The following ZBTB37 variants were observed in gnomAD, a reference collection of about 807,000 sequenced individuals.
ZBTB37 encodes the protein zinc finger and BTB domain-containing protein 37.
In ZBTB37, 15 loss-of-function variants were observed where a neutral mutation model predicts 37.7. That is an observed-to-expected ratio of 0.40 (90% CI 0.27 to 0.61). The LOEUF (loss-of-function observed/expected upper bound fraction) is 0.61, where lower values mean the gene tolerates loss of function less well. Ranked by LOEUF, ZBTB37 falls within the 20% of genes least tolerant of loss-of-function variation. The probability of loss-of-function intolerance (pLI) is 0.44; values close to 1 mark genes in which losing one functional copy is unlikely to be tolerated. For synonymous variants in ZBTB37, 231 were observed against 220.6 expected (o/e 1.05, Z -0.42); for missense variants, 514 against 641.9 (o/e 0.80, Z 2.15).
At chr1:173,897,229 T>C (rs1249929831) in exon 4 of ZBTB37, 1 of 152,222 alleles carries the variant, frequency 6.6e-6, no homozygotes, top group Admixed American at 6.5e-5. Flanking sequence ...CAGAAGCATT[T>C]TGTTAGCTGT....
chr1:173,880,818 G>A (rs1038620963), intron 4 of ZBTB37, among the ~76,000 whole-genome samples: 1 of 152,156 alleles, frequency 6.6e-6, no homozygotes, highest in African/African-American at 2.4e-5. Context: ...GTAATTTTTT[G>A]GATGAGACTG....
In ZBTB37 at chr1:173,882,520, A is replaced by G. The variant is rs538639639; in HGVS notation, c.1024-3116A>G. On this transcript the variant is annotated intron_variant, in intron 4 of 4. Coordinates refer to ENST00000427304, the Ensembl canonical transcript of ZBTB37. ...CTCCCAAAGTGCTAGGATTACAGGC[A>G]TGAGCCACTGTGCCCAGCCCTGATG... 3.2e-4 allele frequency among the ~76,000 whole-genome samples: 49 copies of G among 152,198 alleles called. 1 individual carries two copies. Among genetic ancestry groups the G allele is most frequent in the East Asian group, 1.3e-3 (7 of 5,188 alleles).
At chr1:173,869,369 C>T (rs1655336388) in intron 2 of ZBTB37, among the ~76,000 whole-genome samples, 1 of 152,068 alleles carries the variant, frequency 6.6e-6, no homozygotes, top group African/African-American at 2.4e-5. Flanking sequence ...TATACAGCTT[C>T]AGGTTTAGTG....
intron 1 of ZBTB37, 79 bp from the exon 2 acceptor site, chr1:173,868,846 A>T (rs1030782100): frequency 1.3e-5 from 2 of 152,970 alleles, no homozygotes; most frequent in Non-Finnish European, 1.5e-5. Context: ...CCCTCTCCCC[A>T]GGCTTCCTAA....
At chr1:173,887,594 G>A (rs986902381), downstream of ZBTB37, 3 of 152,164 alleles carry the variant, frequency 2.0e-5, no homozygotes, top group Non-Finnish European at 4.4e-5. Flanking sequence ...TGGATACCCC[G>A]TCTTTCATGA....
At chr1:173,894,623 TATC>T (rs1451569107) in exon 4 of ZBTB37, 1 of 152,196 alleles carries the variant, frequency 6.6e-6, no homozygotes, top group Non-Finnish European at 1.5e-5. Flanking sequence ...GGCCTAGAAT[TATC>T]ATACAGCCAC....
At chr1:173,898,009 T>G (rs1460448896) in exon 4 of ZBTB37, 1 of 152,224 alleles carries the variant, frequency 6.6e-6, no homozygotes, top group African/African-American at 2.4e-5. Context: ...GGCTTCTGTT[T>G]GGCAGGAGTA....
intron 4 of ZBTB37, among the ~76,000 whole-genome samples, chr1:173,875,375 G>A (rs1340921468): frequency 6.7e-6 from 1 of 149,916 alleles, no homozygotes; most frequent in African/African-American, 2.5e-5. Flanking sequence ...ACCCAGGCTG[G>A]AGTGCAGTGG....
rs554504004 is a variant in ZBTB37 at position 173,877,048 on chromosome 1, A to G, written c.1023+3482A>G. 1.1e-3 allele frequency among the ~76,000 whole-genome samples: 169 copies of G among 152,314 alleles called. 1 individual carries two copies. The highest frequency in any genetic ancestry group is 3.9e-3 in the African/African-American group (163 of 41,580). On this transcript the variant is annotated intron_variant, in intron 4 of 4. Transcript: ENST00000427304. Reference sequence around the variant, plus strand: ...TAAATATTTGTGTATCTAAACATAAATTACTGAATATAGTAAATATTTGTG... The same window carrying G: ...TAAATATTTGTGTATCTAAACATAAGTTACTGAATATAGTAAATATTTGTG...
chr1:173,878,923 T>C (rs1265247081), intron 4 of ZBTB37, among the ~76,000 whole-genome samples: 1 of 151,876 alleles, frequency 6.6e-6, no homozygotes, highest in African/African-American at 2.4e-5. Flanking sequence ...ACCCCTTCTC[T>C]AATAAAAATA....
exon 5 of ZBTB37, chr1:173,886,142 G>A: frequency 1.9e-6 from 3 of 1,542,810 alleles, no homozygotes; most frequent in Middle Eastern, 1.7e-4. Flanking sequence ...AGGGGGAGGG[G>A]GCTGACCCTC....
intron 4 of ZBTB37, among the ~76,000 whole-genome samples, chr1:173,876,790 ATG>A (rs1655994941): frequency 6.6e-6 from 1 of 152,198 alleles, no homozygotes; most frequent in African/African-American, 2.4e-5. Flanking sequence ...CAAATATGGT[ATG>A]ATAGCAATGC....
exon 4 of ZBTB37, chr1:173,900,835 GA>G (rs1301076326): frequency 1.3e-5 from 2 of 152,212 alleles, no homozygotes; most frequent in African/African-American, 2.4e-5. Context: ...TGGTGGAGTA[GA>G]AAAGCAATAG....
intron 4 of ZBTB37, among the ~76,000 whole-genome samples, chr1:173,884,214 T>A (rs1388575902): frequency 6.6e-6 from 1 of 151,694 alleles, no homozygotes; most frequent in Non-Finnish European, 1.5e-5. Flanking sequence ...TGCAGTGGCC[T>A]GATGACAGCT....
rs367970109 is a variant in ZBTB37, at chr1:173,875,331, T to TATATATATATA, written c.1023+1765_1023+1766insATATATATATA. Among the ~76,000 whole-genome samples, 343 of 132,292 alleles carry TATATATATATA rather than the reference T, an allele frequency of 2.6e-3. 1 individual carries two copies. The highest frequency in any genetic ancestry group is 9.3e-3 in the African/African-American group (321 of 34,650). The allele number at this position is 132,292 out of a possible 152,430, so 86.8% of individuals were successfully genotyped here. On this transcript the variant is annotated intron_variant, in intron 4 of 4. Coordinates refer to ENST00000427304, the Ensembl canonical transcript of ZBTB37. Reference sequence around the variant, plus strand: ...ATATATGTGTGCATATATATATATATTTTTTTTTTTTTTTGAGGCAGTCTT... The same window carrying TATATATATATA: ...ATATATGTGTGCATATATATATATATATATATATATATTTTTTTTTTTTTTGAGGCAGTCTT...
At chr1:173,870,879 A>G in exon 3 of ZBTB37, 2 of 1,614,232 alleles carry the variant, frequency 1.2e-6, no homozygotes, top group Non-Finnish European at 1.7e-6. Context: ...ACCGAGCAGG[A>G]CAGTGGTATG....
At chr1:173,885,935 G>A in exon 5 of ZBTB37, 3 of 1,551,802 alleles carry the variant, frequency 1.9e-6, no homozygotes, top group Non-Finnish European at 1.7e-6. Context: ...TCCCCTTCCA[G>A]GCCATCTTGA....
At chr1:173,872,820 C>T (rs1655664819) in intron 3 of ZBTB37, among the ~76,000 whole-genome samples, 1 of 29,472 alleles carries the variant, frequency 3.4e-5, no homozygotes, top group Non-Finnish European at 6.4e-5. Flanking sequence ...CCAGCCTGGC[C>T]AACATGGTGA....
chr1:173,881,978 C>T (rs773810517), intron 4 of ZBTB37, among the ~76,000 whole-genome samples: 13 of 151,306 alleles, frequency 8.6e-5, no homozygotes, highest in East Asian at 2.0e-4. Flanking sequence ...GGCGTGAACC[C>T]GGGAGGCAGA....
Sources: allele counts gnomAD v4.1 joint callset (sites outside exome capture counted in the v4.1 genomes callset), GRCh38; gene constraint gnomAD v4.1.1; transcripts MANE v1.5; gene names NCBI Gene and HGNC (gene_info 2026-07-23, HGNC 2026-07-21).